TIAL1: variants seen among roughly 807,000 people sequenced by gnomAD.
The protein encoded by TIAL1 is nucleolysin TIAR.
In TIAL1, 7 loss-of-function variants were observed where a neutral mutation model predicts 59.7. That is an observed-to-expected ratio of 0.12 (90% CI 0.07 to 0.22). The LOEUF (loss-of-function observed/expected upper bound fraction) is 0.22, where lower values mean the gene tolerates loss of function less well. TIAL1 is among the 10% of genes least tolerant of loss of function. TIAL1 has a pLI of 1.00. For missense variants in TIAL1, 225 were observed against 462.5 expected (o/e 0.49, Z 4.71); for synonymous variants, 149 against 146.3 (o/e 1.02, Z -0.13).
intron 2 of TIAL1, among the ~76,000 whole-genome samples, chr10:119,586,067 T>G (rs1223372258): frequency 1.3e-5 from 2 of 152,206 alleles, no homozygotes; most frequent in Non-Finnish European, 2.9e-5. Context: ...CATGGCTTCA[T>G]GGATTCAAAT....
intron 5 of TIAL1, among the ~76,000 whole-genome samples, chr10:119,581,348 CTAAT>C (rs1298487548): frequency 6.6e-6 from 1 of 151,936 alleles, no homozygotes; most frequent in East Asian, 1.9e-4. Context: ...ACAAAAACAT[CTAAT>C]TAATCCCACA....
chr10:119,577,525 C>T lies in TIAL1; in HGVS notation c.663G>A (p.Met221Ile). The T allele has an allele frequency of 6.2e-7, 1 of 1,613,868 alleles. No individual in the cohort carries two copies. The highest frequency in any genetic ancestry group is 2.2e-5 in the East Asian group (1 of 44,856). The change falls in exon 9 of 12, where the codon ATG (methionine) becomes ATA (isoleucine). Residue 221 changes from methionine (M) to isoleucine (I), a missense_variant. By Grantham distance (10) the Met-to-Ile change is conservative (BLOSUM62 1). Coordinates refer to ENST00000436547, the MANE Select transcript of TIAL1 (RefSeq NM_003252.4). The part of the protein sequence containing the change: ...GIASGLTDQL[M>I]RQTFSPFGQI... ...GTCCAAATGGTGAGAATGTCTGTCT[C>T]ATAAGCTGATCTATAAAACAAAACA...
intron 2 of TIAL1, among the ~76,000 whole-genome samples, chr10:119,585,631 G>A (rs982591486): frequency 6.6e-6 from 1 of 152,028 alleles, no homozygotes; most frequent in South Asian, 2.1e-4. Context: ...TCAAATAGCT[G>A]TATGTATACA....
intron 2 of TIAL1, among the ~76,000 whole-genome samples, chr10:119,585,560 T>A (rs2133982355): frequency 6.6e-6 from 1 of 152,298 alleles, no homozygotes; most frequent in African/African-American, 2.4e-5. Context: ...CTTTACAAGC[T>A]CAAATCTAGG....
In TIAL1 at chr10:119,577,146, A is replaced by C; in HGVS notation, c.795T>G (p.Ile265Met). Residue 265 changes from isoleucine to methionine, a missense_variant, in exon 10 of 12, where the codon ATT becomes ATG. Coordinates refer to ENST00000436547, the MANE Select transcript of TIAL1 (RefSeq NM_003252.4). Reference protein sequence around the residue: ...HAIVSVNGTTIEGHVVKCYWG... With the variant: ...HAIVSVNGTTMEGHVVKCYWG... Reference sequence around the variant, plus strand: ...AATAGCATTTAACCACATGTCCTTCAATCGTAGTACCGTTCACCGAAACAA... The same window carrying C: ...AATAGCATTTAACCACATGTCCTTCCATCGTAGTACCGTTCACCGAAACAA... 6.2e-7 allele frequency: 1 copy of C among 1,614,044 alleles called. No homozygotes were observed. Among genetic ancestry groups the C allele is most frequent in the Non-Finnish European group, 8.5e-7 (1 of 1,179,968 alleles).
In TIAL1 at chr10:119,582,432, T is replaced by G; in HGVS notation, c.228+27A>C. On this transcript the variant is annotated intron_variant, in intron 3 of 11. Transcript: ENST00000436547. This position sits in a 1 kb window ranked among gnomAD's most constrained non-coding sequence, Gnocchi z 5.1. Reference sequence around the variant, plus strand: ...TTTGACATGCAAATATATGTACTCATAAGGTGCCATCATCCTATTATCTTA... The same window carrying G: ...TTTGACATGCAAATATATGTACTCAGAAGGTGCCATCATCCTATTATCTTA... 6.4e-7 allele frequency: 1 copy of G among 1,569,574 alleles called. No individual in the cohort carries two copies.
chr10:119,595,482 C>T (rs1230813109), intron 1 of TIAL1, among the ~76,000 whole-genome samples: 1 of 148,018 alleles, frequency 6.8e-6, no homozygotes, highest in African/African-American at 2.5e-5. Flanking sequence ...CCACACTATT[C>T]AGAAAGGAAT....
intron 1 of TIAL1, 131 bp downstream of exon 1, chr10:119,596,303 G>T: frequency 1.1e-6 from 1 of 922,048 alleles, no homozygotes. Context: ...AATGCACTTC[G>T]CGTCCACGCC....
chr10:119,583,309 T>C (rs564642162), intron 2 of TIAL1, among the ~76,000 whole-genome samples: 2 of 152,212 alleles, frequency 1.3e-5, no homozygotes, highest in African/African-American at 4.8e-5. Context: ...AAGCTATAAG[T>C]TTACATCATA....
rs766691683 is a variant in TIAL1, at chr10:119,596,474, C to T, written c.-9G>A. 1.6e-5 allele frequency: 23 copies of T among 1,416,478 alleles called. No individual in the cohort carries two copies. Among genetic ancestry groups the T allele is most frequent in the Non-Finnish European group, 2.2e-5 (23 of 1,062,344 alleles). The allele number at this position is 1,416,478 out of a possible 1,614,324, so 87.7% of individuals were successfully genotyped here. On this transcript the variant is annotated 5_prime_UTR_variant, in exon 1 of 12. Transcript: ENST00000436547. The stretch of plus-strand genomic sequence containing the variant: ...CCGTCGTCTTCCATCATGGTGGGTG[C>T]GACGGAGCGATCCCGGGACAAGGGG...
chr10:119,582,027 G>A lies in TIAL1; in HGVS notation c.284-18C>T, dbSNP rs747216887. 6.2e-6 allele frequency: 10 copies of A among 1,612,182 alleles called. No homozygotes were observed. The highest frequency in any genetic ancestry group is 1.7e-6 in the Non-Finnish European group (2 of 1,178,796). Reference sequence around the variant, plus strand: ...GAAGTGATCTGAAATCAGAGCATTTGGTAATCAAATACTTAAGAAGTCAGC... The same window carrying A: ...GAAGTGATCTGAAATCAGAGCATTTAGTAATCAAATACTTAAGAAGTCAGC... On this transcript the variant is annotated intron_variant, in intron 4 of 11. Transcript: ENST00000436547. The surrounding 1 kb of genome is among the most constrained non-coding windows in gnomAD (Gnocchi z 5.1).
chr10:119,587,709 A>G (rs969226681), intron 2 of TIAL1, among the ~76,000 whole-genome samples: 2 of 152,212 alleles, frequency 1.3e-5, no homozygotes. Context: ...GTGCTGCTAC[A>G]GTCTTAGCAG....
At chr10:119,578,209 A>G (rs1383054313) in intron 7 of TIAL1, among the ~76,000 whole-genome samples, 1 of 128,350 alleles carries the variant, frequency 7.8e-6, no homozygotes, top group Admixed American at 9.3e-5. Flanking sequence ...TGGGTGACAG[A>G]GCGAGACTCC....
chr10:119,591,082 T>C (rs557869682), intron 1 of TIAL1, among the ~76,000 whole-genome samples: 2 of 152,164 alleles, frequency 1.3e-5, no homozygotes, highest in African/African-American at 4.8e-5. Context: ...TATCTAATAG[T>C]CACAAAAAAA....
At chr10:119,590,762 G>GAGAAAGAGAGAAAGAGAGAA (rs1446023630) in intron 1 of TIAL1, among the ~76,000 whole-genome samples, 3 of 125,292 alleles carry the variant, frequency 2.4e-5, no homozygotes, top group Non-Finnish European at 3.3e-5. Flanking sequence ...GAGAGAAAGA[G>GAGAAAGAGAGAAAGAGAGAA]AGAAAGAAAG....
Position 119,590,750 on chromosome 10 carries a change from CAGAG to C in TIAL1, c.33-2506_33-2503del, listed in dbSNP as rs1181037560. Among the ~76,000 whole-genome samples, 4 of 73,028 alleles carry C rather than the reference CAGAG, an allele frequency of 5.5e-5. No individual in the cohort carries two copies. In the East Asian group the frequency reaches 1.1e-3, roughly 20 times the overall value. 47.9% of individuals were successfully genotyped at this position (73,028 alleles called of 152,430 possible). ...AAAGAAAGAGAGAAAGAGAGAGAGA[CAGAG>C]AGAAAGAGAGAAAGAAAGAAAGAAA... On this transcript the variant is annotated intron_variant, in intron 1 of 11. Coordinates refer to ENST00000436547, the MANE Select transcript of TIAL1 (RefSeq NM_003252.4).
intron 9 of TIAL1, 95 bp downstream of exon 9, chr10:119,577,356 G>T: frequency 7.0e-7 from 1 of 1,436,650 alleles, no homozygotes; most frequent in Non-Finnish European, 9.4e-7. Context: ...CTGCAAAGAA[G>T]CACTAAAATA....
At chr10:119,581,814 A>G (rs1265747364) in intron 5 of TIAL1, 108 bp downstream of exon 5, 3 of 864,332 alleles carry the variant, frequency 3.5e-6, no homozygotes, top group African/African-American at 3.4e-5. Context: ...AATAAGAAAC[A>G]AAACAAAACC....
chr10:119,582,053 C>T lies in TIAL1; in HGVS notation c.284-44G>A. 1 of 1,606,546 alleles carries T rather than the reference C, an allele frequency of 6.2e-7. No individual in the cohort carries two copies. The highest frequency in any genetic ancestry group is 2.2e-5 in the East Asian group (1 of 44,766). ...GTAATCAAATACTTAAGAAGTCAGC[C>T]ACTAAAACCTTTTTAAGGCAACTCT... On this transcript the variant is annotated intron_variant, in intron 4 of 11. Coordinates refer to ENST00000436547, the MANE Select transcript of TIAL1 (RefSeq NM_003252.4). The surrounding 1 kb of genome is among the most constrained non-coding windows in gnomAD (Gnocchi z 5.1).
Sources: allele counts gnomAD v4.1 joint callset (sites outside exome capture counted in the v4.1 genomes callset), GRCh38; gene constraint gnomAD v4.1.1; non-coding constraint Gnocchi (gnomAD v3.1); transcripts MANE v1.5; gene names NCBI Gene and HGNC (gene_info 2026-07-23, HGNC 2026-07-21).